Variants in CCNH observed in about 807,000 individuals in gnomAD.
CCNH encodes cyclin-H.
CCNH carries 31 observed loss-of-function variants against 41.9 expected under a neutral mutation model. That is an observed-to-expected ratio of 0.74 (90% CI 0.56 to 1.00). The LOEUF (loss-of-function observed/expected upper bound fraction) is 1.00, where lower values mean the gene tolerates loss of function less well. Among genes scored for constraint, CCNH ranks in the 50% least tolerant of loss-of-function variants. The pLI, the probability that CCNH is intolerant of heterozygous loss-of-function variation, is 0.00. For missense variants in CCNH, 362 were observed against 388.4 expected (o/e 0.93, Z 0.57); for synonymous variants, 138 against 136.1 (o/e 1.01, Z -0.10).
At chr5:87,365,739 C>T (rs1381631436) in intron 9 of CCNH, among the ~76,000 whole-genome samples, 2 of 151,916 alleles carry the variant, frequency 1.3e-5, no homozygotes, top group East Asian at 1.9e-4. Flanking sequence ...TTACTAGGAC[C>T]TGAAAGAAAT....
At chr5:87,411,955 C>T (rs1764280484) in intron 1 of CCNH, among the ~76,000 whole-genome samples, 1 of 152,098 alleles carries the variant, frequency 6.6e-6, no homozygotes, top group Non-Finnish European at 1.5e-5. Flanking sequence ...TTAAACCAGT[C>T]CGAGAGCTGT....
At chr5:87,399,273 A>C in intron 7 of CCNH, 121 bp downstream of exon 7, 2 of 729,802 alleles carry the variant, frequency 2.7e-6, no homozygotes, top group Non-Finnish European at 4.8e-6. Flanking sequence ...CAATAAAGAA[A>C]ATCTGATTTT....
downstream of CCNH, chr5:87,372,289 C>A: frequency 1.7e-6 from 2 of 1,161,090 alleles, no homozygotes; most frequent in Non-Finnish European, 1.3e-6. Flanking sequence ...TTTTGGACAT[C>A]ATATGGGGTT....
At chr5:87,376,115 A>T, downstream of CCNH, 1 of 470,410 alleles carries the variant, frequency 2.1e-6, no homozygotes, top group South Asian at 2.2e-5. Context: ...ACCAGTGCTG[A>T]AACATAATTG....
downstream of CCNH, among the ~76,000 whole-genome samples, chr5:87,376,002 C>T (rs1024123167): frequency 2.6e-5 from 4 of 152,028 alleles, no homozygotes; most frequent in Admixed American, 2.6e-4. Context: ...AGATCTCGTC[C>T]GCTCAAGGGT....
chr5:87,366,452 ATCCTT>A (rs1378552128), intron 9 of CCNH: 1 of 333,968 alleles, frequency 3.0e-6, no homozygotes, highest in Non-Finnish European at 6.2e-6. Context: ...GAAGGATCAG[ATCCTT>A]GAAGCACAAG....
chr5:87,351,091 C>A (rs1468796230), intron 9 of CCNH, among the ~76,000 whole-genome samples: 1 of 151,306 alleles, frequency 6.6e-6, no homozygotes, highest in Non-Finnish European at 1.5e-5. Context: ...ATTAACTAAA[C>A]ATGAGACCTT....
At chr5:87,355,284 CTT>C (rs1759567212) in intron 9 of CCNH, among the ~76,000 whole-genome samples, 1 of 152,140 alleles carries the variant, frequency 6.6e-6, no homozygotes, top group South Asian at 2.1e-4. Context: ...CTGACTGACT[CTT>C]TTCAGGGGCT....
At chr5:87,397,325 GATT>G (rs1295958658) in intron 7 of CCNH, among the ~76,000 whole-genome samples, 1 of 151,782 alleles carries the variant, frequency 6.6e-6, no homozygotes, top group Admixed American at 6.6e-5. Flanking sequence ...ACGTCCAGCT[GATT>G]ATTGTATTTT....
chr5:87,389,325 C>CT, downstream of CCNH: 4 of 1,588,766 alleles, frequency 2.5e-6, no homozygotes, highest in East Asian at 9.1e-5. Flanking sequence ...GAGCGAAACT[C>CT]TGTCTCAAAA....
chr5:87,408,276 T>C (rs1763953770), intron 3 of CCNH, 90 bp from the exon 4 acceptor site: 1 of 599,410 alleles, frequency 1.7e-6, no homozygotes, highest in Non-Finnish European at 2.7e-6. Flanking sequence ...ATAATTTATT[T>C]CTAAAAGTAT....
At chr5:87,395,944 T>C (rs1420428198) in intron 7 of CCNH, among the ~76,000 whole-genome samples, 3 of 151,844 alleles carry the variant, frequency 2.0e-5, no homozygotes, top group Non-Finnish European at 4.4e-5. Flanking sequence ...CAATAGAATA[T>C]ATCATATATA....
At chr5:87,391,296 A>G (rs2112531992), downstream of CCNH, 1 of 362,002 alleles carries the variant, frequency 2.8e-6, no homozygotes, top group South Asian at 3.8e-5. Flanking sequence ...ACAATTGTGT[A>G]TAACTGGATT....
At chr5:87,338,119 C>G (rs1758107594) in intron 9 of CCNH, 1 of 1,610,250 alleles carries the variant, frequency 6.2e-7, no homozygotes, top group African/African-American at 1.3e-5. Context: ...CTTCTCAATT[C>G]TAGATTCTAA....
chr5:87,338,219 G>T (rs1758118898), intron 9 of CCNH: 3 of 1,422,316 alleles, frequency 2.1e-6, no homozygotes, highest in Non-Finnish European at 2.9e-6. Flanking sequence ...ATAAGTACAA[G>T]AATTATAAGT....
chr5:87,409,242 A>G, intron 3 of CCNH, 48 bp downstream of exon 3: 1 of 1,091,922 alleles, frequency 9.2e-7, no homozygotes, highest in Non-Finnish European at 1.4e-6. Flanking sequence ...TCAAAAGATT[A>G]TAAAGGTCTT....
At chr5:87,386,588 CTTA>C (rs1370939485), downstream of CCNH, among the ~76,000 whole-genome samples, 1 of 151,914 alleles carries the variant, frequency 6.6e-6, no homozygotes, top group Non-Finnish European at 1.5e-5. Context: ...TAGCCATTTG[CTTA>C]TATACTAGAA....
intron 7 of CCNH, 115 bp from the exon 8 acceptor site, chr5:87,395,219 A>T (rs2112544220): frequency 1.3e-6 from 1 of 750,686 alleles, no homozygotes; most frequent in Non-Finnish European, 2.1e-6. Flanking sequence ...CAACAAGGCC[A>T]GGATAAATGG....
intron 9 of CCNH, among the ~76,000 whole-genome samples, chr5:87,363,013 G>T (rs1398827196): frequency 6.6e-6 from 1 of 151,502 alleles, no homozygotes; most frequent in Non-Finnish European, 1.5e-5. Flanking sequence ...AATTGTGGGT[G>T]GGGGTGTGCT....
Sources: allele counts gnomAD v4.1 joint callset (sites outside exome capture counted in the v4.1 genomes callset), GRCh38; gene constraint gnomAD v4.1.1; transcripts MANE v1.5; gene names NCBI Gene and HGNC (gene_info 2026-07-23, HGNC 2026-07-21).